DNAH7: variants seen among roughly 807,000 people sequenced by gnomAD.
DNAH7 encodes the protein dynein axonemal heavy chain 7, also known as axonemal beta dynein heavy chain 7.
A neutral mutation model predicts 444.6 loss-of-function variants in DNAH7; 397 were observed. That is an observed-to-expected ratio of 0.89 (90% CI 0.82 to 0.97). DNAH7 has a LOEUF of 0.97. Among genes scored for constraint, DNAH7 ranks in the 50% least tolerant of loss-of-function variants. DNAH7 has a pLI of 0.00. For synonymous variants in DNAH7, 1,636 were observed against 1,624.4 expected (o/e 1.01, Z -0.17); for missense variants, 4,902 against 4,800.8 (o/e 1.02, Z -0.62).
chr2:196,016,031 A>G (rs566203365), intron 9 of DNAH7, among the ~76,000 whole-genome samples: 1 of 152,346 alleles, frequency 6.6e-6, no homozygotes, highest in East Asian at 1.9e-4. Flanking sequence ...CTCTGCCACC[A>G]CAACTACGGA....
chr2:195,834,140 A>G (rs748013551), intron 48 of DNAH7, 66 bp downstream of exon 48: 6 of 1,478,258 alleles, frequency 4.1e-6, no homozygotes, highest in East Asian at 2.3e-5. Context: ...CAATCTATAC[A>G]GTTTTGGGTT....
chr2:196,062,202 T>C (rs541393325), intron 1 of DNAH7, among the ~76,000 whole-genome samples: 13 of 152,350 alleles, frequency 8.5e-5, no homozygotes, highest in African/African-American at 3.1e-4. Context: ...GACTGAGACC[T>C]CTAATATCTA....
At chr2:195,952,883 C>T (rs1690362478) in intron 19 of DNAH7, among the ~76,000 whole-genome samples, 1 of 152,072 alleles carries the variant, frequency 6.6e-6, no homozygotes, top group Non-Finnish European at 1.5e-5. Flanking sequence ...GAACATGCTC[C>T]TTTAGCTTGG....
chr2:196,021,816 T>C (rs1695399656), intron 8 of DNAH7, among the ~76,000 whole-genome samples: 1 of 151,578 alleles, frequency 6.6e-6, no homozygotes, highest in East Asian at 1.9e-4. Flanking sequence ...AGAAACCCTA[T>C]CTCAAGAAAA....
chr2:195,831,601 A>G (rs1292023358), intron 48 of DNAH7, among the ~76,000 whole-genome samples: 1 of 152,240 alleles, frequency 6.6e-6, no homozygotes, highest in African/African-American at 2.4e-5. Context: ...CCATTAAGAG[A>G]TTAAAACTTC....
At chr2:195,847,099 C>A (rs1699043958) in intron 46 of DNAH7, among the ~76,000 whole-genome samples, 1 of 141,640 alleles carries the variant, frequency 7.1e-6, no homozygotes, top group African/African-American at 2.8e-5. Context: ...ATATCTGATT[C>A]TTCAGATGGT....
rs1169159055 is a variant in DNAH7, at chr2:196,026,744, CATA to C, written c.667+13_667+15del. 12 of 1,567,742 alleles carry C rather than the reference CATA, an allele frequency of 7.7e-6. No homozygotes were observed. Among genetic ancestry groups the C allele is most frequent in the Non-Finnish European group, 1.0e-5 (12 of 1,145,272 alleles). Reference sequence around the variant, plus strand: ...CACATATTTGAATTAAAAATCAAAGCATAATACCAATTTACCTATGGATTTCCT... The same window carrying C: ...CACATATTTGAATTAAAAATCAAAGCATACCAATTTACCTATGGATTTCCT... On this transcript the variant is annotated intron_variant, in intron 7 of 64. Coordinates refer to ENST00000312428, the MANE Select transcript of DNAH7 (RefSeq NM_018897.3).
chr2:195,947,137 C>T (rs140046212), intron 19 of DNAH7, among the ~76,000 whole-genome samples: 1 of 147,118 alleles, frequency 6.8e-6, no homozygotes, highest in South Asian at 2.1e-4. Flanking sequence ...TATTATATAT[C>T]TACATAATTA....
intron 15 of DNAH7, among the ~76,000 whole-genome samples, chr2:195,976,788 A>AGAGAGAGAGG (rs1559295144): frequency 6.9e-6 from 1 of 144,374 alleles, no homozygotes; most frequent in African/African-American, 2.6e-5. Context: ...AGAGAGAGAG[A>AGAGAGAGAGG]CTCTCTAATT....
intron 19 of DNAH7, 86 bp from the exon 20 acceptor site, chr2:195,936,878 T>C (rs1307035219): frequency 9.1e-7 from 1 of 1,094,672 alleles, no homozygotes; most frequent in African/African-American, 1.6e-5. Context: ...GATTATATGT[T>C]TGTAATCAAA....
chr2:195,775,197 A>C (rs189361590), intron 60 of DNAH7, among the ~76,000 whole-genome samples: 1 of 152,356 alleles, frequency 6.6e-6, no homozygotes, highest in East Asian at 1.9e-4. Flanking sequence ...ACCTGTGCTC[A>C]CGGCAGCTAA....
chr2:195,771,348 T>A (rs1055549215), intron 61 of DNAH7, among the ~76,000 whole-genome samples: 1 of 151,460 alleles, frequency 6.6e-6, no homozygotes, highest in African/African-American at 2.4e-5. Flanking sequence ...TCTAAAAAAA[T>A]AATAATAATA....
rs138537388 is a variant in DNAH7 at position 195,776,300 on chromosome 2, G to A, written c.11065-317C>T. On this transcript the variant is annotated intron_variant, in intron 59 of 64. Transcript: ENST00000312428. ...CTCTCCTAAAAATACAAAATTAGTC[G>A]GGTGTGGTGGCACACACCTGTGATC... Among the ~76,000 whole-genome samples the A allele has an allele frequency of 9.9e-3, 1,500 of 152,030 alleles. 33 individuals carry two copies. Among genetic ancestry groups the A allele is most frequent in the African/African-American group, 0.034 (1,399 of 41,456 alleles).
intron 8 of DNAH7, among the ~76,000 whole-genome samples, 198 bp from the exon 9 acceptor site, chr2:196,019,493 AC>A (rs1695240836): frequency 6.6e-6 from 1 of 152,146 alleles, no homozygotes; most frequent in Non-Finnish European, 1.5e-5. Context: ...TATAAAAATG[AC>A]TCTGAAATTA....
Position 195,808,890 on chromosome 2 carries a change from G to C in DNAH7, c.9889-14C>G. ...AGCTTTATTAATCTTTGGAAAACAA[G>C]GCAGCGTGAAGAGTCAGAAACGAGT... On this transcript the variant is annotated splice_polypyrimidine_tract_variant and intron_variant, in intron 52 of 64. Coordinates refer to ENST00000312428, the MANE Select transcript of DNAH7 (RefSeq NM_018897.3). 6.2e-7 allele frequency: 1 copy of C among 1,609,704 alleles called. No individual in the cohort carries two copies. Among genetic ancestry groups the C allele is most frequent in the Non-Finnish European group, 8.5e-7 (1 of 1,177,970 alleles).
At chr2:195,996,312 GGACCA>G (rs1693693389) in intron 12 of DNAH7, among the ~76,000 whole-genome samples, 1 of 152,086 alleles carries the variant, frequency 6.6e-6, no homozygotes, top group Non-Finnish European at 1.5e-5. Context: ...AGGCAAGAAT[GGACCA>G]GACAACAATT....
intron 1 of DNAH7, among the ~76,000 whole-genome samples, chr2:196,058,731 G>A (rs1697966414): frequency 6.6e-6 from 1 of 152,126 alleles, no homozygotes; most frequent in African/African-American, 2.4e-5. Context: ...TGGATTGGGA[G>A]ACTAATATTG....
intron 2 of DNAH7, among the ~76,000 whole-genome samples, chr2:196,054,204 G>C (rs1697661310): frequency 6.6e-6 from 1 of 152,208 alleles, no homozygotes; most frequent in Non-Finnish European, 1.5e-5. Flanking sequence ...CTCCTTTGAA[G>C]ATGCATAGCA....
chr2:195,771,748 T>C lies in DNAH7; in HGVS notation c.11345A>G (p.Asn3782Ser). ...RYPTTYTQSM[N>S]TVLVQEMGRF... is the part of the protein sequence containing the mutation. ...TCCCATCTCTTGGACAAGTACAGTG[T>C]TCATGCTCTGAGTATAAGTTGTTGG... The change falls in exon 61 of 65, where the codon AAC becomes AGC. Residue 3782 changes from asparagine (N) to serine (S), a missense_variant. By Grantham distance (46) the Asn-to-Ser change is conservative (BLOSUM62 1). Transcript: ENST00000312428. The C allele has an allele frequency of 6.2e-7, 1 of 1,614,224 alleles. No homozygotes were observed. The highest frequency in any genetic ancestry group is 1.1e-5 in the South Asian group (1 of 91,080).
Sources: gnomAD v4.1 joint callset for allele counts (sites outside exome capture counted in the v4.1 genomes callset) on GRCh38, gnomAD v4.1.1 for gene constraint, MANE v1.5 for transcripts, NCBI Gene and HGNC (gene_info 2026-07-23, HGNC 2026-07-21) for gene names.